The following MIOS variants were observed in gnomAD, a reference collection of about 807,000 sequenced individuals.
MIOS encodes the protein meiosis regulator for oocyte development.
Under a neutral mutation model 96.9 loss-of-function variants are expected in MIOS, and 52 were observed. That is an observed-to-expected ratio of 0.54 (90% CI 0.43 to 0.68). MIOS has a LOEUF of 0.68. Among genes scored for constraint, MIOS ranks in the 30% least tolerant of loss-of-function variants. The pLI is 0.00. For missense variants in MIOS, 1,005 were observed against 1,052.8 expected, an observed-to-expected ratio of 0.95 and a Z score of 0.63; for synonymous variants, 397 against 359.5, an observed-to-expected ratio of 1.10 and a Z score of -1.18.
At chr7:7,601,818 C>T (rs1364645213) in intron 11 of MIOS, among the ~76,000 whole-genome samples, 2 of 152,138 alleles carry the variant, frequency 1.3e-5, no homozygotes, top group African/African-American at 2.4e-5. Context: ...ATGCAAAAAT[C>T]CTCAATAAAA....
At chr7:7,579,914 T>C (rs1216103791) in intron 5 of MIOS, among the ~76,000 whole-genome samples, 1 of 152,236 alleles carries the variant, frequency 6.6e-6, no homozygotes, top group Non-Finnish European at 1.5e-5. Context: ...GTTAATCAAC[T>C]CATGACTGGA....
At chr7:7,589,118 G>A (rs1453921222) in intron 8 of MIOS, among the ~76,000 whole-genome samples, 4 of 151,982 alleles carry the variant, frequency 2.6e-5, no homozygotes, top group Non-Finnish European at 5.9e-5. Flanking sequence ...CAAAAATTTC[G>A]CAGAATAATG....
chr7:7,606,421 C>G (rs1272309447), intron 12 of MIOS, among the ~76,000 whole-genome samples: 1 of 152,116 alleles, frequency 6.6e-6, no homozygotes, highest in Admixed American at 6.6e-5. Flanking sequence ...GTTAAAAGAG[C>G]ATATCATACC....
Position 7,603,200 on chromosome 7 carries a change from C to A in MIOS, c.2402-2742C>A, listed in dbSNP as rs1341197547. On this transcript the variant is annotated intron_variant, in intron 11 of 12. Coordinates refer to ENST00000340080, the MANE Select transcript of MIOS (RefSeq NM_019005.4). ...ACACCAAAAGCAATGGCAACAAAAG[C>A]CAAAATTGACAAATGGGATCTAATT... Among the ~76,000 whole-genome samples, 34 of 151,980 alleles carry A rather than the reference C, an allele frequency of 2.2e-4. 1 individual carries two copies. The East Asian group carries it at 6.4e-3, about 29-fold the overall frequency.
Position 7,589,563 on chromosome 7 carries a change from G to A in MIOS, c.2043G>A (p.Gln681=), listed in dbSNP as rs764279935. 1 of 1,590,998 alleles carries A rather than the reference G, an allele frequency of 6.3e-7. No homozygotes were observed. Among genetic ancestry groups the A allele is most frequent in the Non-Finnish European group, 8.6e-7 (1 of 1,167,658 alleles). Residue 681 remains glutamine, a splice_region_variant and synonymous_variant, in exon 9 of 13, where the codon CAG becomes CAA. Coordinates refer to ENST00000340080, the MANE Select transcript of MIOS (RefSeq NM_019005.4). ...AAACAGCAAGTTACTGTATGTTACAGGTCAGTGCAGTTTGACAGCAGCTTT... is the reference window on the plus strand; with the variant it reads ...AAACAGCAAGTTACTGTATGTTACAAGTCAGTGCAGTTTGACAGCAGCTTT... ...DVQTASYCML[Q]GSPLDVLKDE...
intron 9 of MIOS, among the ~76,000 whole-genome samples, chr7:7,592,870 G>A (rs11983756): frequency 0.95 from 144,735 of 152,236 alleles, 68,951 homozygotes; most frequent in East Asian, 1. Flanking sequence ...GTACCAGGCT[G>A]TGGACCTGGG....
intron 5 of MIOS, among the ~76,000 whole-genome samples, chr7:7,578,202 G>A (rs982270848): frequency 1.3e-5 from 2 of 152,084 alleles, no homozygotes; most frequent in Admixed American, 6.6e-5. Flanking sequence ...TTATTGAATG[G>A]GCTAAGTGCT....
chr7:7,576,791 AC>A lies in MIOS; in HGVS notation c.1393+2597del, dbSNP rs546825044. ...GGAGGCAAGACGTGATGCTATCCTT[AC>A]CAAGGTTAGTAGCAGAGGAGCTAGA... On this transcript the variant is annotated intron_variant, in intron 5 of 12. Transcript: ENST00000340080. Among the ~76,000 whole-genome samples, 215 of 152,332 alleles carry A rather than the reference AC, an allele frequency of 1.4e-3. 1 individual carries two copies. Among genetic ancestry groups the A allele is most frequent in the African/African-American group, 5.0e-3 (209 of 41,570 alleles).
intron 5 of MIOS, among the ~76,000 whole-genome samples, chr7:7,577,287 A>G (rs776182447): frequency 2.4e-4 from 36 of 152,216 alleles, no homozygotes; most frequent in Non-Finnish European, 5.0e-4. Flanking sequence ...CCAAATAAGA[A>G]CTAAAAAGGA....
At position 7,579,313 on chromosome 7, in the gene MIOS, T is replaced by C. The variant is rs138447589; in HGVS notation, c.1394-3805T>C. ...TAAGCAGAAAAAATATGTGATACAATAACCATGTTCTTAACATGCAGGACA... is the reference window on the plus strand; with the variant it reads ...TAAGCAGAAAAAATATGTGATACAACAACCATGTTCTTAACATGCAGGACA... On this transcript the variant is annotated intron_variant, in intron 5 of 12. Coordinates refer to ENST00000340080, the MANE Select transcript of MIOS (RefSeq NM_019005.4). Among the ~76,000 whole-genome samples, 184 of 152,342 alleles carry C rather than the reference T, an allele frequency of 1.2e-3. 6 individuals are homozygous for C. In the East Asian group the frequency reaches 0.029, roughly 24 times the overall value.
intron 3 of MIOS, among the ~76,000 whole-genome samples, chr7:7,569,235 G>GAACATT (rs1783261873): frequency 6.6e-6 from 1 of 152,132 alleles, no homozygotes; most frequent in African/African-American, 2.4e-5. Flanking sequence ...GTTACGTGAG[G>GAACATT]TGCCCCTCTT....
rs186157540 is a variant in MIOS at position 7,576,968 on chromosome 7, A to G, written c.1393+2772A>G. ...TGTTAATTAGGAATAACACAGGAAG[A>G]GTATTTGGGTTTATTTTGGAGCAAG... is the stretch of plus-strand genomic sequence containing the variant. On this transcript the variant is annotated intron_variant, in intron 5 of 12. Coordinates refer to ENST00000340080, the MANE Select transcript of MIOS (RefSeq NM_019005.4). 7.2e-5 allele frequency among the ~76,000 whole-genome samples: 11 copies of G among 152,286 alleles called. No homozygotes were observed. The East Asian group carries it at 1.5e-3, about 21-fold the overall frequency.
chr7:7,606,276 A>G (rs1784528576), intron 12 of MIOS, among the ~76,000 whole-genome samples: 1 of 152,216 alleles, frequency 6.6e-6, no homozygotes, highest in Non-Finnish European at 1.5e-5. Flanking sequence ...TACTTATGTA[A>G]GAACTAATTT....
At chr7:7,574,834 G>A (rs933671840) in intron 5 of MIOS, among the ~76,000 whole-genome samples, 7 of 151,712 alleles carry the variant, frequency 4.6e-5, no homozygotes, top group African/African-American at 1.7e-4. Context: ...TCTTTTACTG[G>A]AATTGAATAA....
intron 5 of MIOS, chr7:7,581,931 C>G (rs1783741166): frequency 6.9e-6 from 1 of 145,668 alleles, no homozygotes; most frequent in Non-Finnish European, 1.5e-5. Flanking sequence ...GCTTTCACCT[C>G]TGCTGTATTC....
intron 3 of MIOS, among the ~76,000 whole-genome samples, chr7:7,570,956 T>G (rs771834287): frequency 1.6e-4 from 25 of 152,186 alleles, no homozygotes; most frequent in Non-Finnish European, 3.2e-4. Context: ...CTATGAAGTT[T>G]TAGACTGGTA....
intron 11 of MIOS, among the ~76,000 whole-genome samples, chr7:7,599,860 C>T (rs983469264): frequency 6.6e-6 from 1 of 152,134 alleles, no homozygotes; most frequent in Admixed American, 6.6e-5. Flanking sequence ...GAATACTATG[C>T]AGCCATGTCT....
chr7:7,569,588 A>G (rs1211128391), intron 3 of MIOS, among the ~76,000 whole-genome samples: 2 of 152,220 alleles, frequency 1.3e-5, no homozygotes, highest in Admixed American at 6.5e-5. Context: ...TTAACTTCCT[A>G]CTAAGTGCCT....
At chr7:7,568,494 A>G (rs953446496) in intron 3 of MIOS, among the ~76,000 whole-genome samples, 1 of 152,190 alleles carries the variant, frequency 6.6e-6, no homozygotes, top group Non-Finnish European at 1.5e-5. Flanking sequence ...AAAAAAATAC[A>G]CTTCTTAAAA....
Sources: allele counts gnomAD v4.1 joint callset (sites outside exome capture counted in the v4.1 genomes callset), GRCh38; gene constraint gnomAD v4.1.1; transcripts MANE v1.5; gene names NCBI Gene and HGNC (gene_info 2026-07-23, HGNC 2026-07-21).